The following IGSF21 variants were observed in gnomAD, a reference collection of about 807,000 sequenced individuals.
The protein encoded by IGSF21 is immunoglobulin superfamily member 21.
Under a neutral mutation model 46.8 loss-of-function variants are expected in IGSF21, and 28 were observed. That is an observed-to-expected ratio of 0.60 (90% CI 0.44 to 0.82). The LOEUF is 0.82. Ranked by LOEUF, IGSF21 falls within the 40% of genes least tolerant of loss-of-function variation. The pLI, the probability that IGSF21 is intolerant of heterozygous loss-of-function variation, is 0.00. For synonymous variants in IGSF21, 284 were observed against 273.6 expected, an observed-to-expected ratio of 1.04 and a Z score of -0.38; for missense variants, 624 against 665.5, an observed-to-expected ratio of 0.94 and a Z score of 0.69.
chr1:18,144,849 G>A (rs188108287), intron 1 of IGSF21, among the ~76,000 whole-genome samples: 4,041 of 152,142 alleles, frequency 0.027, 86 homozygotes, highest in Middle Eastern at 0.14. Flanking sequence ...TAACTTCTCC[G>A]TGCCTCTATT....
intron 1 of IGSF21, among the ~76,000 whole-genome samples, chr1:18,161,498 A>C (rs9662108): frequency 6.6e-6 from 1 of 151,872 alleles, no homozygotes; most frequent in African/African-American, 2.4e-5. Flanking sequence ...CCTTCCCCCC[A>C]GCCCACTTTC....
intron 2 of IGSF21, among the ~76,000 whole-genome samples, chr1:18,284,302 T>C (rs903201790): frequency 6.6e-6 from 1 of 152,228 alleles, no homozygotes; most frequent in African/African-American, 2.4e-5. Context: ...CGTTCCTTCC[T>C]TCACTGACTC....
chr1:18,346,008 T>C (rs1195096674), intron 4 of IGSF21, among the ~76,000 whole-genome samples: 5 of 152,162 alleles, frequency 3.3e-5, no homozygotes, highest in Non-Finnish European at 2.9e-5. Context: ...TGTTGGGGCA[T>C]GAAATGTAAC....
intron 3 of IGSF21, among the ~76,000 whole-genome samples, chr1:18,295,688 C>T (rs1208272246): frequency 6.6e-6 from 1 of 152,180 alleles, no homozygotes; most frequent in Non-Finnish European, 1.5e-5. Context: ...TCCTCTTACC[C>T]CTCGCTCTTC....
chr1:18,140,574 C>T (rs1439135368), intron 1 of IGSF21, among the ~76,000 whole-genome samples: 1 of 152,216 alleles, frequency 6.6e-6, no homozygotes, highest in Non-Finnish European at 1.5e-5. Flanking sequence ...CATCGTGGCT[C>T]CAGTTCCCCA....
chr1:18,208,484 C>T (rs1439736763), intron 1 of IGSF21, among the ~76,000 whole-genome samples: 2 of 146,932 alleles, frequency 1.4e-5, no homozygotes, highest in Non-Finnish European at 3.0e-5. Context: ...CGGGTTCACG[C>T]CATTCTCCTG....
intron 1 of IGSF21, among the ~76,000 whole-genome samples, chr1:18,133,829 T>A (rs559804643): frequency 1.3e-5 from 2 of 152,244 alleles, no homozygotes; most frequent in Non-Finnish European, 2.9e-5. Context: ...GCAGGCACGT[T>A]GTAGGGGCTC....
At chr1:18,219,803 C>G (rs1052611581) in intron 1 of IGSF21, among the ~76,000 whole-genome samples, 3 of 152,072 alleles carry the variant, frequency 2.0e-5, no homozygotes, top group East Asian at 1.9e-4. Flanking sequence ...GACTTAGGCA[C>G]GGGCATGGAG....
intron 1 of IGSF21, among the ~76,000 whole-genome samples, chr1:18,162,743 C>A (rs970737547): frequency 5.9e-5 from 9 of 152,262 alleles, no homozygotes; most frequent in African/African-American, 2.2e-4. Flanking sequence ...TAGCGTGGGG[C>A]CTGACATATG....
At chr1:18,241,811 G>T (rs1333340876) in intron 2 of IGSF21, among the ~76,000 whole-genome samples, 1 of 152,200 alleles carries the variant, frequency 6.6e-6, no homozygotes, top group Non-Finnish European at 1.5e-5. Flanking sequence ...CGGTACAGTT[G>T]TCCATTTTAG....
chr1:18,225,079 TCTCTCTCACACACA>T (rs1488387510), intron 1 of IGSF21, among the ~76,000 whole-genome samples: 27 of 33,346 alleles, frequency 8.1e-4, no homozygotes, highest in Non-Finnish European at 2.0e-3. Flanking sequence ...TCTCTCTCTC[TCTCTCTCACACACA>T]CACACACACA....
intron 2 of IGSF21, among the ~76,000 whole-genome samples, chr1:18,239,999 C>T (rs1197110027): frequency 6.6e-6 from 1 of 152,218 alleles, no homozygotes; most frequent in Non-Finnish European, 1.5e-5. Flanking sequence ...GCTGGGCACA[C>T]ACAGGCTGTG....
At chr1:18,224,852 G>A (rs1202602374) in intron 1 of IGSF21, among the ~76,000 whole-genome samples, 1 of 152,000 alleles carries the variant, frequency 6.6e-6, no homozygotes, top group Non-Finnish European at 1.5e-5. Flanking sequence ...ATCACTTGAG[G>A]TCAGGAGTTT....
intron 2 of IGSF21, among the ~76,000 whole-genome samples, chr1:18,275,815 G>A (rs1311981895): frequency 2.0e-5 from 3 of 152,038 alleles, no homozygotes; most frequent in Non-Finnish European, 4.4e-5. Flanking sequence ...GGGCCCCTGG[G>A]TCCCTCCACC....
intron 2 of IGSF21, among the ~76,000 whole-genome samples, chr1:18,254,955 A>C (rs1404974167): frequency 6.6e-6 from 1 of 152,156 alleles, no homozygotes; most frequent in Non-Finnish European, 1.5e-5. Context: ...GGCCCTCAGC[A>C]CTGTGGGCTG....
intron 1 of IGSF21, among the ~76,000 whole-genome samples, chr1:18,168,849 T>C (rs1034933593): frequency 2.6e-5 from 4 of 152,248 alleles, no homozygotes; most frequent in Non-Finnish European, 5.9e-5. Context: ...GAACCCTGCC[T>C]ATGGCCCTTG....
Position 18,189,432 on chromosome 1 carries a change from A to AG in IGSF21, c.71-38462dup, listed in dbSNP as rs1365155228. Among the ~76,000 whole-genome samples the AG allele has an allele frequency of 2.0e-5, 3 of 152,194 alleles. No individual in the cohort carries two copies. The South Asian group carries it at 6.2e-4, about 32-fold the overall frequency. ...GATGAATTTTTCCACAGACCAGGGC[A>AG]GGGGCGAAGGTTTCAGGATAATTAA... On this transcript the variant is annotated intron_variant, in intron 1 of 9. Coordinates refer to ENST00000251296, the MANE Select transcript of IGSF21 (RefSeq NM_032880.5).
chr1:18,208,872 G>A (rs1164183390), intron 1 of IGSF21, among the ~76,000 whole-genome samples: 1 of 152,134 alleles, frequency 6.6e-6, no homozygotes, highest in African/African-American at 2.4e-5. Context: ...GCAACACATA[G>A]AGGAATGTCA....
At chr1:18,256,464 C>G (rs1358264816) in intron 2 of IGSF21, among the ~76,000 whole-genome samples, 1 of 152,132 alleles carries the variant, frequency 6.6e-6, no homozygotes, top group East Asian at 1.9e-4. Context: ...TTCAGGTCAC[C>G]CAGGGAGCCG....
Sources: gnomAD v4.1 joint callset for allele counts (sites outside exome capture counted in the v4.1 genomes callset) on GRCh38, gnomAD v4.1.1 for gene constraint, MANE v1.5 for transcripts, NCBI Gene and HGNC (gene_info 2026-07-23, HGNC 2026-07-21) for gene names.